The following SPINK9 variants were observed in gnomAD, a reference collection of about 807,000 sequenced individuals.
SPINK9 encodes serine peptidase inhibitor Kazal type 9, also known as serine protease inhibitor Kazal-type 9.
SPINK9 carries 3 observed loss-of-function variants against 10.8 expected under a neutral mutation model. That is an observed-to-expected ratio of 0.28 (90% CI 0.13 to 0.72). The LOEUF (loss-of-function observed/expected upper bound fraction) is 0.72. SPINK9 is among the 30% of genes least tolerant of loss of function. SPINK9 has a pLI of 0.74. For synonymous variants in SPINK9, 30 were observed against 31.2 expected (o/e 0.96, Z 0.12); for missense variants, 101 against 103.2 (o/e 0.98, Z 0.09).
At chr5:148,339,209 T>TA (rs1757256700) in intron 3 of SPINK9, among the ~76,000 whole-genome samples, 1 of 152,134 alleles carries the variant, frequency 6.6e-6, no homozygotes, top group Non-Finnish European at 1.5e-5. Context: ...ATCTCCAAGA[T>TA]ATATTAACAT....
At position 148,324,257 on chromosome 5, in the gene SPINK9, T is replaced by C. The variant is rs529689436; in HGVS notation, c.118+389T>C. On this transcript the variant is annotated intron_variant, in intron 2 of 4. Coordinates refer to the SPINK9 transcript ENST00000511717. The stretch of plus-strand genomic sequence containing the variant: ...TATAACTTGGAACATACAAAGATTA[T>C]ACACATTCGTTTACATAGTTTATCC... Among the ~76,000 whole-genome samples the C allele has an allele frequency of 5.5e-4, 83 of 152,264 alleles. No individual in the cohort carries two copies. The South Asian group carries it at 0.017, about 30-fold the overall frequency.
chr5:148,335,504 C>A (rs1315063191), upstream of SPINK9: 6 of 939,336 alleles, frequency 6.4e-6, no homozygotes, highest in African/African-American at 1.6e-5. Flanking sequence ...TGCTATTTCA[C>A]AATTGAGGCA....
chr5:148,338,108 C>T (rs1267381125), intron 2 of SPINK9, among the ~76,000 whole-genome samples: 1 of 152,024 alleles, frequency 6.6e-6, no homozygotes, highest in African/African-American at 2.4e-5. Context: ...CAGTGAAAGA[C>T]AGAAATAGTA....
intron 1 of SPINK9, chr5:148,323,646 G>A: frequency 1.9e-6 from 1 of 532,814 alleles, no homozygotes; most frequent in East Asian, 3.0e-5. Context: ...TGAATGTGAA[G>A]TAAATTTGTT....
At chr5:148,329,094 T>C (rs2113415081) in intron 2 of SPINK9, among the ~76,000 whole-genome samples, 1 of 152,334 alleles carries the variant, frequency 6.6e-6, no homozygotes, top group East Asian at 1.9e-4. Context: ...AGCTCCTCCT[T>C]GTACCTCTGG....
upstream of SPINK9, among the ~76,000 whole-genome samples, chr5:148,332,074 A>C (rs576620732): frequency 4.6e-5 from 7 of 152,346 alleles, no homozygotes; most frequent in African/African-American, 1.4e-4. Flanking sequence ...TAAGGCAAAG[A>C]GTACATATGA....
At chr5:148,327,968 A>G (rs1381026310) in intron 2 of SPINK9, among the ~76,000 whole-genome samples, 1 of 150,978 alleles carries the variant, frequency 6.6e-6, no homozygotes, top group Non-Finnish European at 1.5e-5. Flanking sequence ...CTTTTGGCTT[A>G]GGATTGACTT....
At chr5:148,328,214 T>C (rs1338593113) in intron 2 of SPINK9, among the ~76,000 whole-genome samples, 1 of 152,196 alleles carries the variant, frequency 6.6e-6, no homozygotes, top group Admixed American at 6.5e-5. Flanking sequence ...CTTGAAGAGG[T>C]CCTTCACATC....
chr5:148,332,509 A>C (rs1258541399), upstream of SPINK9, among the ~76,000 whole-genome samples: 2 of 152,248 alleles, frequency 1.3e-5, no homozygotes, highest in East Asian at 3.8e-4. Flanking sequence ...TTCACGACAG[A>C]TAAAGTGGGG....
chr5:148,334,159 A>T (rs2113420853), upstream of SPINK9, among the ~76,000 whole-genome samples: 1 of 152,204 alleles, frequency 6.6e-6, no homozygotes, highest in South Asian at 2.1e-4. Context: ...AAGACCTAAT[A>T]GGATTCTTAC....
intron 2 of SPINK9, among the ~76,000 whole-genome samples, chr5:148,327,147 A>G (rs1331693203): frequency 6.6e-6 from 1 of 152,056 alleles, no homozygotes; most frequent in African/African-American, 2.4e-5. Flanking sequence ...AAGTTTACCT[A>G]TTTCTCCACA....
At chr5:148,325,825 A>C (rs1264237130) in intron 2 of SPINK9, among the ~76,000 whole-genome samples, 3 of 152,120 alleles carry the variant, frequency 2.0e-5, no homozygotes, top group Non-Finnish European at 4.4e-5. Flanking sequence ...TAAGATTTAC[A>C]CTTTGGGTTT....
At chr5:148,336,475 T>C in intron 2 of SPINK9, 22 bp downstream of exon 2, 1 of 1,610,938 alleles carries the variant, frequency 6.2e-7, no homozygotes, top group Middle Eastern at 1.7e-4. Context: ...CATCCTACTT[T>C]TATGTAATTT....
At chr5:148,323,151 T>C (rs1757018520) in intron 1 of SPINK9, among the ~76,000 whole-genome samples, 1 of 151,962 alleles carries the variant, frequency 6.6e-6, no homozygotes, top group African/African-American at 2.4e-5. Flanking sequence ...AAAATGCTGA[T>C]TGAGGGAAGT....
At chr5:148,328,785 G>A (rs60578458) in intron 2 of SPINK9, among the ~76,000 whole-genome samples, 3,455 of 152,248 alleles carry the variant, frequency 0.023, 153 homozygotes, top group East Asian at 0.17. Flanking sequence ...CTTTGGTTCT[G>A]TTTATATGCT....
intron 1 of SPINK9, among the ~76,000 whole-genome samples, chr5:148,323,356 G>T (rs1033953455): frequency 6.6e-6 from 1 of 152,020 alleles, no homozygotes; most frequent in African/African-American, 2.4e-5. Flanking sequence ...TCCATAGGTG[G>T]GAGTCAACAA....
chr5:148,321,480 A>C (rs1756998871), intron 1 of SPINK9: 1 of 148,618 alleles, frequency 6.7e-6, no homozygotes, highest in African/African-American at 2.6e-5. Flanking sequence ...GATAGGATGG[A>C]CTGGTGCAAT....
chr5:148,331,196 G>A (rs1757145166), upstream of SPINK9, among the ~76,000 whole-genome samples: 1 of 152,256 alleles, frequency 6.6e-6, no homozygotes, highest in Non-Finnish European at 1.5e-5. Context: ...GGTAGATGTA[G>A]ACTGGAGCTG....
At chr5:148,337,702 A>C (rs1046364796) in intron 2 of SPINK9, among the ~76,000 whole-genome samples, 1 of 152,146 alleles carries the variant, frequency 6.6e-6, no homozygotes, top group Non-Finnish European at 1.5e-5. Flanking sequence ...CATATTTTTT[A>C]CTTCCACCCT....
Sources: allele counts gnomAD v4.1 joint callset (sites outside exome capture counted in the v4.1 genomes callset), GRCh38; gene constraint gnomAD v4.1.1; transcripts MANE v1.5; gene names NCBI Gene and HGNC (gene_info 2026-07-23, HGNC 2026-07-21).